HOOK1: variants seen among roughly 807,000 people sequenced by gnomAD.
HOOK1 encodes hook microtubule tethering protein 1, also known as protein Hook homolog 1.
Under a neutral mutation model 112.8 loss-of-function variants are expected in HOOK1, and 60 were observed. The ratio of observed to expected loss-of-function variants is 0.53; its 90% CI spans 0.43 to 0.66. The LOEUF is 0.66. HOOK1 is among the 30% of genes least tolerant of loss of function. HOOK1 has a pLI of 0.00. For missense variants in HOOK1, 770 were observed against 856.0 expected (o/e 0.90, Z 1.25); for synonymous variants, 294 against 283.8 (o/e 1.04, Z -0.36).
chr1:59,830,570 A>G (rs1315961159), intron 3 of HOOK1, among the ~76,000 whole-genome samples: 9 of 151,950 alleles, frequency 5.9e-5, no homozygotes, highest in Admixed American at 5.2e-4. Context: ...TAATCTGCCT[A>G]TGTCTTTTTA....
chr1:59,828,828 T>C lies in HOOK1; in HGVS notation c.198T>C (p.Asp66=), dbSNP rs1574180924. ...NESWLSRIKE[D]VGDNWRIKAS... ...CTTGGTTAAGCCGAATTAAAGAGGA[T>C]GTTGGGGACAACTGGAGAATAAAGG... The change falls in exon 3 of 22, where the codon GAT becomes GAC. Residue 66 remains aspartate (D), a synonymous_variant. Transcript: ENST00000371208. The C allele has an allele frequency of 1.9e-6, 3 of 1,613,252 alleles. No homozygotes were observed. The highest frequency in any genetic ancestry group is 2.5e-6 in the Non-Finnish European group (3 of 1,179,548).
chr1:59,834,935 A>G (rs943665111), intron 5 of HOOK1, among the ~76,000 whole-genome samples: 2 of 152,068 alleles, frequency 1.3e-5, no homozygotes, highest in Non-Finnish European at 2.9e-5. Context: ...ATTTTGCCTT[A>G]AAGTGATTAT....
At chr1:59,872,759 C>T in intron 21 of HOOK1, 36 bp from the exon 22 acceptor site, 1 of 1,337,558 alleles carries the variant, frequency 7.5e-7, no homozygotes, top group East Asian at 2.7e-5. Context: ...TCTGTTTAGT[C>T]ATGTTAAATA....
chr1:59,819,209 G>A (rs2098383799), intron 1 of HOOK1, among the ~76,000 whole-genome samples: 1 of 139,260 alleles, frequency 7.2e-6, no homozygotes, highest in Admixed American at 7.6e-5. Context: ...TAGTGCAGTG[G>A]CATGATCTCG....
chr1:59,821,770 T>G, intron 1 of HOOK1, 88 bp from the exon 2 acceptor site: 1 of 963,256 alleles, frequency 1.0e-6, no homozygotes, highest in Non-Finnish European at 1.5e-6. Flanking sequence ...TTGTTTTTTT[T>G]AGCTGTTTTC....
chr1:59,843,304 T>C, intron 8 of HOOK1, 128 bp from the exon 9 acceptor site: 1 of 531,438 alleles, frequency 1.9e-6, no homozygotes, highest in Non-Finnish European at 3.3e-6. Flanking sequence ...AGAACTCATC[T>C]AGTATGACAG....
chr1:59,865,021 A>G, intron 17 of HOOK1, 142 bp from the exon 18 acceptor site: 1 of 620,172 alleles, frequency 1.6e-6, no homozygotes. Flanking sequence ...CTGACTGTTT[A>G]CATCCTCATG....
chr1:59,861,682 A>G (rs1284771207), intron 15 of HOOK1, among the ~76,000 whole-genome samples: 6 of 152,204 alleles, frequency 3.9e-5, no homozygotes, highest in South Asian at 2.1e-4. Context: ...TGGATCCTCC[A>G]TAATGAACTC....
intron 14 of HOOK1, among the ~76,000 whole-genome samples, chr1:59,859,688 A>C (rs1197668365): frequency 2.6e-5 from 4 of 151,956 alleles, no homozygotes; most frequent in African/African-American, 9.7e-5. Flanking sequence ...AAGTACATGT[A>C]AATCTTTAAT....
chr1:59,844,649 A>G (rs547097834), intron 9 of HOOK1, among the ~76,000 whole-genome samples: 1 of 152,048 alleles, frequency 6.6e-6, no homozygotes, highest in Non-Finnish European at 1.5e-5. Flanking sequence ...CAGGATTATG[A>G]TTTGGATTGT....
At position 59,835,288 on chromosome 1, in the gene HOOK1, T is replaced by C. The variant is rs2098396768; in HGVS notation, c.407-57T>C. The C allele has an allele frequency of 5.5e-6, 5 of 903,378 alleles. No homozygotes were observed. The South Asian group carries it at 6.8e-5, about 12-fold the overall frequency. 56.0% of individuals were successfully genotyped at this position (903,378 alleles called of 1,614,324 possible). ...TTTTATAGTCTATTAATTTGATGGC[T>C]AAGGTACTATGTGTAAAGAGTAGAT... On this transcript the variant is annotated intron_variant, in intron 5 of 21. Transcript: ENST00000371208.
intron 2 of HOOK1, among the ~76,000 whole-genome samples, chr1:59,823,096 G>A (rs923300889): frequency 9.2e-5 from 14 of 152,218 alleles, no homozygotes; most frequent in Non-Finnish European, 1.3e-4. Flanking sequence ...CGAGGAGGGC[G>A]AATCACAAGG....
At chr1:59,872,521 T>G (rs1310508807) in intron 21 of HOOK1, among the ~76,000 whole-genome samples, 1 of 152,018 alleles carries the variant, frequency 6.6e-6, no homozygotes, top group African/African-American at 2.4e-5. Context: ...CACAAAAATT[T>G]TTATAATTAA....
intron 12 of HOOK1, among the ~76,000 whole-genome samples, chr1:59,856,113 C>CT (rs759844337): frequency 0.058 from 6,580 of 113,974 alleles, 472 homozygotes; most frequent in African/African-American, 0.17. Context: ...TTTTGCTTTG[C>CT]TTTTTTTTTT....
intron 15 of HOOK1, among the ~76,000 whole-genome samples, chr1:59,862,053 C>A (rs150053748): frequency 6.6e-6 from 1 of 152,268 alleles, no homozygotes; most frequent in East Asian, 1.9e-4. Flanking sequence ...TTACATATTA[C>A]TATCTTATTC....
chr1:59,858,789 G>A (rs1335728056), intron 13 of HOOK1, among the ~76,000 whole-genome samples, 196 bp from the exon 14 acceptor site: 4 of 148,274 alleles, frequency 2.7e-5, no homozygotes, highest in East Asian at 2.0e-4. Context: ...GAAGGAGCAC[G>A]GGAGGGAGGG....
chr1:59,854,642 T>C (rs2098409554), intron 12 of HOOK1, among the ~76,000 whole-genome samples: 1 of 152,206 alleles, frequency 6.6e-6, no homozygotes, highest in African/African-American at 2.4e-5. Flanking sequence ...CATTATTTGA[T>C]GAGAAATCTG....
At chr1:59,829,473 C>T (rs1323649942) in intron 3 of HOOK1, among the ~76,000 whole-genome samples, 2 of 151,988 alleles carry the variant, frequency 1.3e-5, no homozygotes, top group Non-Finnish European at 2.9e-5. Context: ...AAGAAACTGC[C>T]AAACTGATTT....
At chr1:59,855,984 A>ATATAT (rs2098410511) in intron 12 of HOOK1, among the ~76,000 whole-genome samples, 4 of 60,288 alleles carry the variant, frequency 6.6e-5, no homozygotes, top group African/African-American at 3.1e-4. Flanking sequence ...ATATATATAT[A>ATATAT]TTTTTTTTTT....
Sources: allele counts gnomAD v4.1 joint callset (sites outside exome capture counted in the v4.1 genomes callset), GRCh38; gene constraint gnomAD v4.1.1; transcripts MANE v1.5; gene names NCBI Gene and HGNC (gene_info 2026-07-23, HGNC 2026-07-21).